CCDC122: variants seen among roughly 807,000 people sequenced by gnomAD.
CCDC122 encodes the protein coiled-coil domain containing 122.
Under a neutral mutation model 37.0 loss-of-function variants are expected in CCDC122, and 38 were observed. That is an observed-to-expected ratio of 1.03 (90% CI 0.79 to 1.35). CCDC122 has a LOEUF of 1.35. CCDC122 is among the 40% of genes most tolerant of loss of function. The pLI is 0.00. For missense variants in CCDC122, 305 were observed against 310.0 expected, an observed-to-expected ratio of 0.98 and a Z score of 0.12; for synonymous variants, 83 against 95.6, an observed-to-expected ratio of 0.87 and a Z score of 0.77.
At chr13:43,825,341 A>G (rs1195127912) in intron 3 of CCDC122, among the ~76,000 whole-genome samples, 7 of 152,224 alleles carry the variant, frequency 4.6e-5, no homozygotes, top group Non-Finnish European at 1.0e-4. Context: ...TATAACTGGG[A>G]GCTAAATGCT....
intron 6 of CCDC122, among the ~76,000 whole-genome samples, chr13:43,839,590 C>T (rs765492406): frequency 6.6e-6 from 1 of 152,126 alleles, no homozygotes; most frequent in Admixed American, 6.5e-5. Flanking sequence ...TATGTTTTCA[C>T]TTCTCAGGTA....
intron 3 of CCDC122, among the ~76,000 whole-genome samples, chr13:43,831,154 T>C (rs1217365626): frequency 6.6e-6 from 1 of 152,190 alleles, no homozygotes; most frequent in Non-Finnish European, 1.5e-5. Context: ...ATATTACATC[T>C]AAGTGAAGAA....
intron 1 of CCDC122, among the ~76,000 whole-genome samples, chr13:43,875,501 T>C (rs1168908141): frequency 2.6e-5 from 4 of 152,146 alleles, no homozygotes; most frequent in Non-Finnish European, 4.4e-5. Flanking sequence ...AAATGGACAA[T>C]GGCCAGACCA....
At chr13:43,824,510 A>G (rs977885273) in intron 3 of CCDC122, among the ~76,000 whole-genome samples, 1 of 152,238 alleles carries the variant, frequency 6.6e-6, no homozygotes, top group South Asian at 2.1e-4. Context: ...AGAGTTTATG[A>G]CTAAGTCTTC....
chr13:43,829,296 C>T (rs1953066764), intron 3 of CCDC122, among the ~76,000 whole-genome samples: 1 of 151,914 alleles, frequency 6.6e-6, no homozygotes, highest in Non-Finnish European at 1.5e-5. Context: ...GGGAGAATTG[C>T]TCATTTTATT....
At chr13:43,839,834 T>A (rs146624541) in intron 6 of CCDC122, among the ~76,000 whole-genome samples, 104 of 152,052 alleles carry the variant, frequency 6.8e-4, no homozygotes, top group Non-Finnish European at 1.0e-3. Context: ...ATTTAAAGAG[T>A]TTAATTGAGC....
chr13:43,874,585 A>G (rs1381358504), intron 2 of CCDC122, among the ~76,000 whole-genome samples: 1 of 152,206 alleles, frequency 6.6e-6, no homozygotes, highest in African/African-American at 2.4e-5. Flanking sequence ...GATAATATTT[A>G]TTTAAACCAA....
At chr13:43,827,239 A>G (rs1953048816) in intron 3 of CCDC122, among the ~76,000 whole-genome samples, 1 of 152,178 alleles carries the variant, frequency 6.6e-6, no homozygotes, top group Non-Finnish European at 1.5e-5. Context: ...AAGCATTTTC[A>G]AAAAAAGCTT....
At chr13:43,838,382 C>T (rs1953231537) in intron 6 of CCDC122, among the ~76,000 whole-genome samples, 1 of 152,110 alleles carries the variant, frequency 6.6e-6, no homozygotes, top group African/African-American at 2.4e-5. Context: ...AATAAACCAT[C>T]ATTTATGCTG....
At chr13:43,821,863 T>C (rs1952995400), downstream of CCDC122, among the ~76,000 whole-genome samples, 1 of 152,218 alleles carries the variant, frequency 6.6e-6, no homozygotes, top group African/African-American at 2.4e-5. Flanking sequence ...CTTGTTAAAT[T>C]CATCTGATAG....
intron 4 of CCDC122, among the ~76,000 whole-genome samples, chr13:43,867,917 A>G (rs1188442233): frequency 1.3e-5 from 2 of 152,086 alleles, no homozygotes; most frequent in South Asian, 2.1e-4. Context: ...CTTAAAGCCA[A>G]TGTCAAATAG....
intron 3 of CCDC122, 23 bp downstream of exon 3, chr13:43,869,308 A>T (rs1954372286): frequency 6.4e-7 from 1 of 1,557,520 alleles, no homozygotes; most frequent in African/African-American, 1.4e-5. Flanking sequence ...TTAATTATTT[A>T]TTTCTTAAGA....
intron 3 of CCDC122, among the ~76,000 whole-genome samples, chr13:43,824,837 C>A (rs1011542974): frequency 6.6e-6 from 1 of 152,060 alleles, no homozygotes; most frequent in Admixed American, 6.6e-5. Flanking sequence ...GCAAATCAAA[C>A]CCACAATGAG....
At chr13:43,842,942 A>G (rs1953404705) in intron 6 of CCDC122, among the ~76,000 whole-genome samples, 1 of 152,070 alleles carries the variant, frequency 6.6e-6, no homozygotes, top group Non-Finnish European at 1.5e-5. Context: ...GATTTTCTAC[A>G]TAAACAATTA....
At chr13:43,842,389 C>T (rs1391659214) in intron 6 of CCDC122, among the ~76,000 whole-genome samples, 2 of 151,872 alleles carry the variant, frequency 1.3e-5, no homozygotes, top group East Asian at 1.9e-4. Context: ...TTCCATTGGT[C>T]TATTTATTCT....
In CCDC122 at chr13:43,868,699, A is replaced by C. The variant is rs777085087; in HGVS notation, c.151T>G (p.Leu51Val). The change falls in exon 4 of 7, where the codon TTG (leucine) becomes GTG (valine). Residue 51 changes from leucine (L) to valine (V), a missense_variant. Leu to Val is a conservative substitution (Grantham distance 32, BLOSUM62 1). Coordinates refer to ENST00000444614, the MANE Select transcript of CCDC122 (RefSeq NM_144974.5). The stretch of plus-strand genomic sequence containing the variant: ...AGACTATATAAAGAAGTTACCTTCA[A>C]ATTGAACAGAACCTTTTTGTTTTTT... ...IEKNKKVLFNLKNELHELEKE... is the reference protein window; with the variant it reads ...IEKNKKVLFNVKNELHELEKE... The C allele has an allele frequency of 9.1e-6, 14 of 1,536,588 alleles. No individual in the cohort carries two copies. The Admixed American group carries it at 9.9e-5, about 11-fold the overall frequency.
At chr13:43,878,560 T>C (rs1954738199) in intron 1 of CCDC122, among the ~76,000 whole-genome samples, 1 of 152,096 alleles carries the variant, frequency 6.6e-6, no homozygotes, top group Non-Finnish European at 1.5e-5. Flanking sequence ...TGAGCAACAA[T>C]GAAGATAAAA....
At chr13:43,874,801 C>T (rs1333862367) in intron 2 of CCDC122, 41 bp downstream of exon 2, 1 of 152,116 alleles carries the variant, frequency 6.6e-6, no homozygotes, top group African/African-American at 2.4e-5. Flanking sequence ...TCAGAGACAT[C>T]CAAAAAGAAT....
chr13:43,873,534 A>G (rs575516494), intron 2 of CCDC122, among the ~76,000 whole-genome samples: 1 of 152,198 alleles, frequency 6.6e-6, no homozygotes, highest in Non-Finnish European at 1.5e-5. Context: ...GACTTGCCCA[A>G]GGCAATAATA....
Sources: gnomAD v4.1 joint callset for allele counts (sites outside exome capture counted in the v4.1 genomes callset) on GRCh38, gnomAD v4.1.1 for gene constraint, MANE v1.5 for transcripts, NCBI Gene and HGNC (gene_info 2026-07-23, HGNC 2026-07-21) for gene names.